IL4R: variants seen among roughly 807,000 people sequenced by gnomAD.
IL4R encodes interleukin-4 receptor subunit alpha.
Under a neutral mutation model 41.5 loss-of-function variants are expected in IL4R, and 17 were observed. The observed-to-expected ratio is 0.41, with a 90% CI of 0.28 to 0.61. The LOEUF is 0.61. Among genes scored for constraint, IL4R ranks in the 20% least tolerant of loss-of-function variants. The probability of loss-of-function intolerance (pLI) is 0.31; values close to 1 mark genes in which losing one functional copy is unlikely to be tolerated. For missense variants in IL4R, 974 were observed against 1,043.1 expected (o/e 0.93, Z 0.91); for synonymous variants, 402 against 422.9 (o/e 0.95, Z 0.61).
intron 1 of IL4R, among the ~76,000 whole-genome samples, chr16:27,323,379 T>TATC (rs1259511693): frequency 6.6e-6 from 1 of 152,216 alleles, no homozygotes; most frequent in African/African-American, 2.4e-5. Context: ...TATTTTACTG[T>TATC]ATCTTCCATA....
At chr16:27,330,623 GT>G (rs1020175917) in intron 2 of IL4R, among the ~76,000 whole-genome samples, 1 of 152,066 alleles carries the variant, frequency 6.6e-6, no homozygotes, top group African/African-American at 2.4e-5. Context: ...GCATAGGTTT[GT>G]GTATGCAGCC....
intron 2 of IL4R, among the ~76,000 whole-genome samples, chr16:27,335,033 T>C (rs2283563): frequency 0.67 from 102,342 of 151,956 alleles, 34,916 homozygotes; most frequent in African/African-American, 0.74. Context: ...TTTGCACCCC[T>C]GGCACTTCGT....
At chr16:27,353,109 G>C (rs1371495756) in intron 7 of IL4R, among the ~76,000 whole-genome samples, 1 of 152,102 alleles carries the variant, frequency 6.6e-6, no homozygotes, top group Non-Finnish European at 1.5e-5. Flanking sequence ...CCTCATTTCA[G>C]AATATTTTTA....
At chr16:27,352,786 T>A in intron 7 of IL4R, 90 bp downstream of exon 7, 1 of 1,348,048 alleles carries the variant, frequency 7.4e-7, no homozygotes, top group Non-Finnish European at 1.0e-6. Flanking sequence ...TCTCTGGGCT[T>A]TTATATCATA....
chr16:27,356,123 ACT>A (rs1418555915), intron 8 of IL4R, among the ~76,000 whole-genome samples: 74 of 128,182 alleles, frequency 5.8e-4, no homozygotes, highest in African/African-American at 2.2e-3. Flanking sequence ...ACGGAGTCTC[ACT>A]CTGTCACCCA....
chr16:27,336,909 T>C (rs1052499021), intron 2 of IL4R, among the ~76,000 whole-genome samples: 7 of 151,780 alleles, frequency 4.6e-5, no homozygotes, highest in Non-Finnish European at 2.9e-5. Context: ...AGAAACCCTG[T>C]CTCTACTAAA....
At chr16:27,348,378 G>A (rs992981067) in intron 6 of IL4R, among the ~76,000 whole-genome samples, 2 of 152,174 alleles carry the variant, frequency 1.3e-5, no homozygotes, top group African/African-American at 4.8e-5. Flanking sequence ...GGATGGGCTG[G>A]GGGGAAGAGA....
rs79539339 is a variant in IL4R, at chr16:27,345,492, G to T, written c.361+472G>T. 2.4e-4 allele frequency: 68 copies of T among 288,234 alleles called. No homozygotes were observed. The highest frequency in any genetic ancestry group is 1.5e-3 in the African/African-American group (67 of 46,104). The allele number at this position is 288,234 out of a possible 1,614,324, so 17.9% of individuals were successfully genotyped here. A position where few individuals can be genotyped will look rare whatever the true frequency, so the allele number is the denominator to read the frequency against. ...GTGGTGACAGGAGTTTAAAACATGC[G>T]TTGTATTCCAGTGATGCATGATATG... On this transcript the variant is annotated intron_variant, in intron 5 of 10. Transcript: ENST00000395762. This position sits in a 1 kb window ranked among gnomAD's most constrained non-coding sequence, Gnocchi z 4.5.
chr16:27,314,145 G>A (rs974689897), intron 1 of IL4R, 125 bp downstream of exon 1: 1 of 972,406 alleles, frequency 1.0e-6, no homozygotes, highest in Non-Finnish European at 1.2e-6. Context: ...CTCCGAGCGG[G>A]GCCCGAGCCC....
chr16:27,360,689 C>T, intron 9 of IL4R, 77 bp from the exon 10 acceptor site: 2 of 1,575,978 alleles, frequency 1.3e-6, no homozygotes, highest in South Asian at 1.1e-5. Context: ...GGCTTGTACC[C>T]CTTCCTGAGC....
chr16:27,363,728 A>C lies in IL4R; in HGVS notation c.2376A>C (p.Ser792=), dbSNP rs199986458. ...PSGISEKSKS[S]SSFHPAPGNA... is the part of the protein sequence containing the mutation. ...GCATCTCAGAGAAGAGTAAATCCTC[A>C]TCATCCTTCCATCCTGCCCCTGGCA... The change falls in exon 11 of 11, where the codon TCA becomes TCC. Residue 792 remains serine, a synonymous_variant. Coordinates refer to ENST00000395762, the MANE Select transcript of IL4R (RefSeq NM_000418.4). The C allele has an allele frequency of 1.9e-6, 3 of 1,613,620 alleles. No individual in the cohort carries two copies. The highest frequency in any genetic ancestry group is 2.2e-5 in the South Asian group (2 of 91,088).
intron 8 of IL4R, among the ~76,000 whole-genome samples, chr16:27,358,601 T>A (rs2086176512): frequency 1.3e-5 from 2 of 152,198 alleles, no homozygotes; most frequent in Non-Finnish European, 2.9e-5. Context: ...TGGGGTCTCA[T>A]TCCCACTGAG....
In IL4R at chr16:27,346,568, A is replaced by T; in HGVS notation, c.463A>T (p.Asn155Tyr). 6.2e-7 allele frequency: 1 copy of T among 1,614,174 alleles called. No homozygotes were observed. The highest frequency in any genetic ancestry group is 8.5e-7 in the Non-Finnish European group (1 of 1,180,020). The part of the protein sequence containing the change: ...NPYPPDNYLY[N>Y]HLTYAVNIWS... The stretch of plus-strand genomic sequence containing the variant: ...GTATCCCCCTGACAATTACCTGTAT[A>T]ATCATCTCACCTATGCAGTCAACAT... The change falls in exon 6 of 11, where the codon AAT becomes TAT. Residue 155 changes from asparagine (N) to tyrosine (Y), a missense_variant. Coordinates refer to ENST00000395762, the MANE Select transcript of IL4R (RefSeq NM_000418.4).
At chr16:27,320,739 T>C (rs566664187) in intron 1 of IL4R, among the ~76,000 whole-genome samples, 2 of 152,272 alleles carry the variant, frequency 1.3e-5, no homozygotes, top group South Asian at 4.1e-4. Flanking sequence ...GCCAGGGAAG[T>C]ATTCTGCCTT....
chr16:27,348,093 A>G (rs2085720917), intron 6 of IL4R, among the ~76,000 whole-genome samples: 1 of 152,176 alleles, frequency 6.6e-6, no homozygotes, highest in African/African-American at 2.4e-5. Flanking sequence ...CCGCCACCTT[A>G]AGCTCCCATG....
Position 27,341,150 on chromosome 16 carries a change from A to G in IL4R, c.70+877A>G, listed in dbSNP as rs1305394296. On this transcript the variant is annotated intron_variant, in intron 3 of 10. Transcript: ENST00000395762. ...AGGGAGGTCTGGAGTGGAGGAGATG[A>G]GAGGCTCCGGATCCCTCTGGGAGGT... The G allele has an allele frequency of 4.3e-6, 3 of 692,602 alleles. No homozygotes were observed. In the East Asian group the frequency reaches 8.1e-5, roughly 19 times the overall value. 42.9% of individuals were successfully genotyped at this position (692,602 alleles called of 1,614,324 possible).
Position 27,352,616 on chromosome 16 carries a change from A to G in IL4R, c.590A>G (p.Tyr197Cys). 6.2e-7 allele frequency: 1 copy of G among 1,614,084 alleles called. No individual in the cohort carries two copies. The highest frequency in any genetic ancestry group is 8.5e-7 in the Non-Finnish European group (1 of 1,179,970). The change falls in exon 7 of 11, where the codon TAC (tyrosine) becomes TGC (cysteine). Residue 197 changes from tyrosine to cysteine, a missense_variant. Transcript: ENST00000395762. The stretch of plus-strand genomic sequence containing the variant: ...AGCACCCTGAAGTCTGGGATTTCCT[A>G]CAGGGCACGGGTGAGGGCCTGGGCT... ...AASTLKSGIS[Y>C]RARVRAWAQC...
At chr16:27,348,382 G>T (rs1317330372) in intron 6 of IL4R, among the ~76,000 whole-genome samples, 1 of 152,190 alleles carries the variant, frequency 6.6e-6, no homozygotes, top group African/African-American at 2.4e-5. Context: ...GGGCTGGGGG[G>T]AAGAGAAAGG....
chr16:27,350,214 T>A (rs998677036), intron 6 of IL4R, among the ~76,000 whole-genome samples: 4 of 152,236 alleles, frequency 2.6e-5, no homozygotes, highest in Admixed American at 6.5e-5. Context: ...CTTTTGTTTC[T>A]TAGTAAAACA....
Sources: allele counts gnomAD v4.1 joint callset (sites outside exome capture counted in the v4.1 genomes callset), GRCh38; gene constraint gnomAD v4.1.1; non-coding constraint Gnocchi (gnomAD v3.1); transcripts MANE v1.5; gene names NCBI Gene and HGNC (gene_info 2026-07-23, HGNC 2026-07-21).